Variants in FOXN3 observed in about 807,000 individuals in gnomAD.
FOXN3 encodes forkhead box N3.
A neutral mutation model predicts 38.4 loss-of-function variants in FOXN3; 7 were observed. The observed-to-expected ratio is 0.18, with a 90% CI of 0.10 to 0.34. The LOEUF (loss-of-function observed/expected upper bound fraction) is 0.34, where lower values mean the gene tolerates loss of function less well. Among genes scored for constraint, FOXN3 ranks in the 10% least tolerant of loss-of-function variants. The probability of loss-of-function intolerance (pLI) is 1.00; values close to 1 mark genes in which losing one functional copy is unlikely to be tolerated. For missense variants in FOXN3, 456 were observed against 613.4 expected, an observed-to-expected ratio of 0.74 and a Z score of 2.71; for synonymous variants, 230 against 242.2, an observed-to-expected ratio of 0.95 and a Z score of 0.47.
chr14:89,371,567 A>G (rs1187760811), intron 2 of FOXN3, among the ~76,000 whole-genome samples: 1 of 151,494 alleles, frequency 6.6e-6, no homozygotes, highest in Non-Finnish European at 1.5e-5. Flanking sequence ...CCCAGTCTAT[A>G]TTATGTACGT....
At chr14:89,322,907 G>C (rs77023617) in intron 3 of FOXN3, among the ~76,000 whole-genome samples, 1 of 152,132 alleles carries the variant, frequency 6.6e-6, no homozygotes, top group Non-Finnish European at 1.5e-5. Flanking sequence ...GAAAGTCCCC[G>C]CTCTCAAGGA....
chr14:89,316,232 G>T (rs1013261157), intron 3 of FOXN3, among the ~76,000 whole-genome samples: 3 of 152,178 alleles, frequency 2.0e-5, no homozygotes, highest in Admixed American at 1.3e-4. Context: ...AAGGATGTGA[G>T]ACCCCACAGA....
rs1889101657 is a variant in FOXN3 at position 89,354,245 on chromosome 14, T to A, written c.544-3437A>T. 2.0e-5 allele frequency among the ~76,000 whole-genome samples: 3 copies of A among 151,676 alleles called. No individual in the cohort carries two copies. In the South Asian group the frequency reaches 6.2e-4, roughly 32 times the overall value. ...TTGGTTTTTTTTGTTTGTTTTTTCT[T>A]AGACAGAGTCTCGCTCTTGTTGCCC... On this transcript the variant is annotated intron_variant, in intron 2 of 5. Coordinates refer to ENST00000557258, the MANE Select transcript of FOXN3 (RefSeq NM_005197.4).
intron 1 of FOXN3, among the ~76,000 whole-genome samples, chr14:89,416,459 G>C (rs1447337643): frequency 1.3e-5 from 2 of 152,152 alleles, no homozygotes; most frequent in African/African-American, 4.8e-5. Context: ...GGGGTCTCCG[G>C]AGACGTTCGT....
chr14:89,572,363 A>G (rs918696502), intron 1 of FOXN3, among the ~76,000 whole-genome samples: 1 of 152,240 alleles, frequency 6.6e-6, no homozygotes, highest in Non-Finnish European at 1.5e-5. Flanking sequence ...GTGTTTGGGA[A>G]AATGAAGTCT....
intron 4 of FOXN3, among the ~76,000 whole-genome samples, chr14:89,262,978 G>T (rs1243866974): frequency 6.6e-6 from 1 of 152,168 alleles, no homozygotes; most frequent in African/African-American, 2.4e-5. Context: ...CGACTAAAAA[G>T]ATCTTGGCTA....
intron 4 of FOXN3, among the ~76,000 whole-genome samples, chr14:89,249,461 A>C (rs1162872188): frequency 6.6e-6 from 1 of 152,236 alleles, no homozygotes; most frequent in Non-Finnish European, 1.5e-5. Flanking sequence ...CAAGTCAGCA[A>C]CGCAGACACC....
At chr14:89,468,402 C>T (rs1279683374) in intron 1 of FOXN3, among the ~76,000 whole-genome samples, 1 of 151,816 alleles carries the variant, frequency 6.6e-6, no homozygotes, top group African/African-American at 2.4e-5. Context: ...TGCAGTGAGC[C>T]GAGATCAAGC....
chr14:89,471,327 T>A lies in FOXN3; in HGVS notation c.-14-58837A>T, dbSNP rs181244468. On this transcript the variant is annotated intron_variant, in intron 1 of 6. Transcript: ENST00000345097. ...ATGTAAAGAATTCTCCTGGGCCGGC[T>A]GTGGTGGCTCGTGCCTGTAGTCCCA... 9.2e-5 allele frequency among the ~76,000 whole-genome samples: 14 copies of A among 152,260 alleles called. No homozygotes were observed. The East Asian group carries it at 2.7e-3, about 29-fold the overall frequency.
Position 89,378,256 on chromosome 14 carries a change from G to C in FOXN3, c.544-27448C>G, listed in dbSNP as rs111394832. Among the ~76,000 whole-genome samples the C allele has an allele frequency of 3.3e-3, 509 of 152,340 alleles. 6 individuals are homozygous for C. The highest frequency in any genetic ancestry group is 0.027 in the Middle Eastern group (8 of 294). On this transcript the variant is annotated intron_variant, in intron 2 of 5. Coordinates refer to ENST00000557258, the MANE Select transcript of FOXN3 (RefSeq NM_005197.4). ...AGCTCCCAGGATAGTACGTGAGTGT[G>C]CATGTAGGGGGTGGGAGCTAAGATA...
chr14:89,295,102 G>A (rs1886995636), intron 3 of FOXN3, among the ~76,000 whole-genome samples: 1 of 152,052 alleles, frequency 6.6e-6, no homozygotes, highest in Admixed American at 6.6e-5. Flanking sequence ...CCTGGCACAG[G>A]TCTCCAGAAC....
intron 2 of FOXN3, among the ~76,000 whole-genome samples, chr14:89,374,908 T>A (rs565750267): frequency 2.1e-5 from 3 of 143,388 alleles, no homozygotes; most frequent in South Asian, 4.4e-4. Context: ...ATACAGGAGG[T>A]GGAGATTGCA....
chr14:89,588,533 C>T (rs1490561172), intron 1 of FOXN3, among the ~76,000 whole-genome samples: 2 of 152,156 alleles, frequency 1.3e-5, no homozygotes, highest in African/African-American at 2.4e-5. Flanking sequence ...GTGCTCTAGG[C>T]TAACATCATG....
intron 2 of FOXN3, among the ~76,000 whole-genome samples, chr14:89,381,206 C>T (rs1303444096): frequency 6.7e-6 from 1 of 149,984 alleles, no homozygotes; most frequent in Non-Finnish European, 1.5e-5. Context: ...GGAGAAAAGC[C>T]TCCTTCTAAG....
intron 2 of FOXN3, among the ~76,000 whole-genome samples, chr14:89,397,896 G>A (rs1187445458): frequency 6.6e-6 from 1 of 152,154 alleles, no homozygotes; most frequent in East Asian, 1.9e-4. Context: ...AGGTCCTATG[G>A]AAATGTCACT....
chr14:89,191,963 C>CATAT (rs1388896583), intron 4 of FOXN3, among the ~76,000 whole-genome samples: 2 of 73,022 alleles, frequency 2.7e-5, no homozygotes, highest in African/African-American at 1.7e-4. Context: ...TATATATATA[C>CATAT]ACATATATAT....
At chr14:89,542,889 C>T (rs555937460) in intron 1 of FOXN3, among the ~76,000 whole-genome samples, 63 of 152,296 alleles carry the variant, frequency 4.1e-4, no homozygotes, top group African/African-American at 1.5e-3. Context: ...AGCCACCTGA[C>T]GCTGGACTTA....
At chr14:89,196,322 G>A (rs1888098595) in intron 4 of FOXN3, among the ~76,000 whole-genome samples, 1 of 152,192 alleles carries the variant, frequency 6.6e-6, no homozygotes, top group Non-Finnish European at 1.5e-5. Context: ...TCCATGGGTT[G>A]TGGAAGAGGC....
intron 2 of FOXN3, among the ~76,000 whole-genome samples, chr14:89,357,555 C>T (rs1889281355): frequency 6.6e-6 from 1 of 151,908 alleles, no homozygotes. Context: ...TTGCGGTGAG[C>T]CGAGATCGTG....
Sources: gnomAD v4.1 joint callset for allele counts (sites outside exome capture counted in the v4.1 genomes callset) on GRCh38, gnomAD v4.1.1 for gene constraint, MANE v1.5 for transcripts, NCBI Gene and HGNC (gene_info 2026-07-23, HGNC 2026-07-21) for gene names.